TJP2: variants seen among roughly 807,000 people sequenced by gnomAD.
The protein encoded by TJP2 is tight junction protein 2.
Under a neutral mutation model 133.1 loss-of-function variants are expected in TJP2, and 91 were observed. The observed-to-expected ratio is 0.68, with a 90% CI of 0.58 to 0.81. The LOEUF (loss-of-function observed/expected upper bound fraction) is 0.81. Ranked by LOEUF, TJP2 falls within the 40% of genes least tolerant of loss-of-function variation. The pLI is 0.00. For synonymous variants in TJP2, 592 were observed against 583.4 expected (o/e 1.01, Z -0.21); for missense variants, 1,541 against 1,565.6 (o/e 0.98, Z 0.26).
intron 13 of TJP2, 40 bp downstream of exon 13, chr9:69,236,278 T>C (rs1164499433): frequency 1.9e-6 from 3 of 1,602,854 alleles, no homozygotes; most frequent in Non-Finnish European, 1.7e-6. Flanking sequence ...TTTTAATCCT[T>C]CCCCCTGCAG....
chr9:69,149,800 G>A (rs974325493), intron 1 of TJP2, among the ~76,000 whole-genome samples: 1 of 152,096 alleles, frequency 6.6e-6, no homozygotes, highest in Non-Finnish European at 1.5e-5. Flanking sequence ...TGGTCTTAGG[G>A]GTAAAACGAG....
chr9:69,235,448 G>A (rs997940091), intron 12 of TJP2, among the ~76,000 whole-genome samples: 1 of 151,794 alleles, frequency 6.6e-6, no homozygotes, highest in Non-Finnish European at 1.5e-5. Context: ...TCAGCCTCCC[G>A]AGTAGCTGGG....
chr9:69,229,309 T>C lies in TJP2; in HGVS notation c.1520+59T>C, dbSNP rs1829588982. On this transcript the variant is annotated intron_variant, in intron 10 of 22. Transcript: ENST00000377245. ...TTCCTTACAGCTCTGTCTCTGTAAC[T>C]GAAATCCAGAAGAGTGGTGGTTTTT... 3.2e-6 allele frequency: 5 copies of C among 1,548,488 alleles called. No homozygotes were observed. The East Asian group carries it at 1.1e-4, about 35-fold the overall frequency.
chr9:69,122,274 T>G (rs1459066633), intron 1 of TJP2: 3 of 152,074 alleles, frequency 2.0e-5, no homozygotes, highest in African/African-American at 7.2e-5. Context: ...TGCCTTGGAG[T>G]GACGCGGGCG....
intron 1 of TJP2, 120 bp downstream of exon 1, chr9:69,174,552 G>C: frequency 1.6e-6 from 2 of 1,223,076 alleles, no homozygotes; most frequent in Non-Finnish European, 2.3e-6. Flanking sequence ...TAGGAAGCTG[G>C]GATTCTCCCA....
chr9:69,211,043 CAT>C (rs1344135095), intron 1 of TJP2, among the ~76,000 whole-genome samples: 1 of 152,192 alleles, frequency 6.6e-6, no homozygotes, highest in African/African-American at 2.4e-5. Flanking sequence ...TTTCTTAAAA[CAT>C]AAACACATAG....
intron 1 of TJP2, among the ~76,000 whole-genome samples, chr9:69,138,303 G>A (rs956574069): frequency 2.0e-5 from 3 of 152,116 alleles, no homozygotes; most frequent in African/African-American, 4.8e-5. Flanking sequence ...TTGTTCTCAC[G>A]TATCAGACAT....
At chr9:69,209,005 G>A (rs914954434) in intron 1 of TJP2, among the ~76,000 whole-genome samples, 1 of 152,300 alleles carries the variant, frequency 6.6e-6, no homozygotes, top group South Asian at 2.1e-4. Flanking sequence ...TTTCTGGGTG[G>A]TAGTGGCTTA....
chr9:69,253,920 C>G, intron 22 of TJP2: 1 of 465,966 alleles, frequency 2.1e-6, no homozygotes, highest in Non-Finnish European at 4.0e-6. Flanking sequence ...CTGGGTGAGA[C>G]TAGCCAGGGA....
At chr9:69,182,188 A>G (rs773572641) in intron 1 of TJP2, among the ~76,000 whole-genome samples, 6 of 152,220 alleles carry the variant, frequency 3.9e-5, no homozygotes, top group Non-Finnish European at 8.8e-5. Context: ...AACTTCAGGC[A>G]TGTTGGAGTT....
At position 69,237,881 on chromosome 9, in the gene TJP2, G is replaced by T. The variant is rs1224580507; in HGVS notation, c.2183G>T (p.Gly728Val). 2 of 1,613,134 alleles carry T rather than the reference G, an allele frequency of 1.2e-6. No homozygotes were observed. Among genetic ancestry groups the T allele is most frequent in the East Asian group, 2.2e-5 (1 of 44,866 alleles). ...AYERVLLREA[G>V]FKRPVVLFGP... ...ATGGCCTTTCTTGTCATTTCAGCTG[G>T]TTTCAAGAGACCTGTGGTCTTATTC... is the stretch of plus-strand genomic sequence containing the variant. Residue 728 changes from glycine to valine, a missense_variant, in exon 15 of 23, where the codon GGT becomes GTT. Coordinates refer to ENST00000377245, the MANE Select transcript of TJP2 (RefSeq NM_004817.4).
At chr9:69,229,565 T>G (rs1195434587) in intron 10 of TJP2, among the ~76,000 whole-genome samples, 1 of 152,240 alleles carries the variant, frequency 6.6e-6, no homozygotes, top group Admixed American at 6.5e-5. Flanking sequence ...TATTTATTGC[T>G]AAACTACGGT....
chr9:69,180,291 T>A (rs1304104220), intron 1 of TJP2, among the ~76,000 whole-genome samples: 1 of 152,168 alleles, frequency 6.6e-6, no homozygotes, highest in Non-Finnish European at 1.5e-5. Context: ...ATTAAAAGCT[T>A]TGGTGGAGAC....
chr9:69,219,941 A>T (rs1324551389), intron 4 of TJP2, among the ~76,000 whole-genome samples: 1 of 151,716 alleles, frequency 6.6e-6, no homozygotes, highest in East Asian at 1.9e-4. Context: ...ACCTGAGGTC[A>T]GGAGTTCGAG....
chr9:69,212,650 C>T (rs767697071), intron 2 of TJP2, 49 bp downstream of exon 2: 25 of 1,465,620 alleles, frequency 1.7e-5, no homozygotes, highest in Admixed American at 1.3e-4. Context: ...CTTGATTTTA[C>T]GGATCATGGA....
At chr9:69,152,480 C>T (rs1020904457) in intron 2 of TJP2, among the ~76,000 whole-genome samples, 1 of 152,038 alleles carries the variant, frequency 6.6e-6, no homozygotes, top group Non-Finnish European at 1.5e-5. Context: ...TGGGTGGATT[C>T]CAGATAAATG....
At chr9:69,140,776 A>G (rs796931841) in intron 1 of TJP2, among the ~76,000 whole-genome samples, 3 of 152,346 alleles carry the variant, frequency 2.0e-5, no homozygotes, top group African/African-American at 7.2e-5. Context: ...TAGTAGAAAC[A>G]GCGTAGGATC....
At chr9:69,141,570 G>A (rs1483102366) in intron 1 of TJP2, among the ~76,000 whole-genome samples, 5 of 152,128 alleles carry the variant, frequency 3.3e-5, no homozygotes, top group South Asian at 2.1e-4. Flanking sequence ...GATATCCACC[G>A]AATGTATATA....
chr9:69,158,982 G>GC (rs11317308), intron 2 of TJP2, among the ~76,000 whole-genome samples: 9,398 of 144,314 alleles, frequency 0.065, 404 homozygotes, highest in African/African-American at 0.13. Context: ...AGGATTCACC[G>GC]CCCCCCCCCC....
Sources: gnomAD v4.1 joint callset for allele counts (sites outside exome capture counted in the v4.1 genomes callset) on GRCh38, gnomAD v4.1.1 for gene constraint, MANE v1.5 for transcripts, NCBI Gene and HGNC (gene_info 2026-07-23, HGNC 2026-07-21) for gene names.